Variants in ZNF143 observed in about 807,000 individuals in gnomAD.
ZNF143 encodes the protein SPH-binding factor.
A neutral mutation model predicts 74.1 loss-of-function variants in ZNF143; 49 were observed. The ratio of observed to expected loss-of-function variants is 0.66; its 90% CI spans 0.53 to 0.84. The LOEUF (loss-of-function observed/expected upper bound fraction) is 0.84, where lower values mean the gene tolerates loss of function less well. ZNF143 is among the 40% of genes least tolerant of loss of function. The pLI, the probability that ZNF143 is intolerant of heterozygous loss-of-function variation, is 0.00. For missense variants in ZNF143, 637 were observed against 793.4 expected, an observed-to-expected ratio of 0.80 and a Z score of 2.37; for synonymous variants, 304 against 282.8, an observed-to-expected ratio of 1.07 and a Z score of -0.75.
intron 1 of ZNF143, among the ~76,000 whole-genome samples, chr11:9,463,136 A>G (rs996503980): frequency 2.0e-5 from 3 of 152,200 alleles, no homozygotes; most frequent in South Asian, 2.1e-4. Context: ...TTGCCAAATG[A>G]TATTTCATTG....
chr11:9,475,348 T>G, intron 5 of ZNF143, among the ~76,000 whole-genome samples: 1 of 151,898 alleles, frequency 6.6e-6, no homozygotes. Flanking sequence ...TAGCCCTGAA[T>G]TCCTGGGCTC....
At chr11:9,516,681 A>T (rs1292429222) in intron 14 of ZNF143, among the ~76,000 whole-genome samples, 1 of 152,234 alleles carries the variant, frequency 6.6e-6, no homozygotes, top group East Asian at 1.9e-4. Flanking sequence ...AAATACTTGC[A>T]AAACTTACTA....
chr11:9,464,102 G>GTGTA (rs1235987687), intron 1 of ZNF143, among the ~76,000 whole-genome samples: 1 of 151,664 alleles, frequency 6.6e-6, no homozygotes, highest in Non-Finnish European at 1.5e-5. Context: ...GTGTGTGTGT[G>GTGTA]TGTGTGTGTG....
At chr11:9,522,337 A>G (rs1848961782) in intron 14 of ZNF143, among the ~76,000 whole-genome samples, 1 of 151,838 alleles carries the variant, frequency 6.6e-6, no homozygotes, top group African/African-American at 2.4e-5. Context: ...GGGATCCCTC[A>G]GCCTCAGCCT....
intron 11 of ZNF143, among the ~76,000 whole-genome samples, chr11:9,503,879 T>C (rs946296567): frequency 6.6e-6 from 1 of 151,240 alleles, no homozygotes. Flanking sequence ...CTCAAACTTC[T>C]GACCTCAGGT....
Position 9,512,597 on chromosome 11 carries a change from G to A in ZNF143, c.1524+1G>A. 1 of 1,613,844 alleles carries A rather than the reference G, an allele frequency of 6.2e-7. No individual in the cohort carries two copies. ...CATATCCCAGGATGGGACTCAGCAT[G>A]TAAGTATCCACCAAAAGCCAAACAA... is the stretch of plus-strand genomic sequence containing the variant. On this transcript the variant is annotated splice_donor_variant, in intron 13 of 15. Coordinates refer to ENST00000396602, the MANE Select transcript of ZNF143 (RefSeq NM_003442.6). LOFTEE classifies it high-confidence loss of function.
At chr11:9,461,294 C>T (rs1464209475) in intron 1 of ZNF143, among the ~76,000 whole-genome samples, 1 of 152,110 alleles carries the variant, frequency 6.6e-6, no homozygotes, top group African/African-American at 2.4e-5. Context: ...GGCGGCGGAG[C>T]TTTTTTCGTT....
intron 1 of ZNF143, among the ~76,000 whole-genome samples, chr11:9,465,744 A>G (rs1454524842): frequency 6.6e-6 from 1 of 151,592 alleles, no homozygotes; most frequent in Non-Finnish European, 1.5e-5. Flanking sequence ...TGGCCTCCCA[A>G]AGGACTTATT....
At chr11:9,500,726 G>A (rs567476283) in intron 10 of ZNF143, among the ~76,000 whole-genome samples, 1 of 152,292 alleles carries the variant, frequency 6.6e-6, no homozygotes, top group South Asian at 2.1e-4. Flanking sequence ...TAGGATACAA[G>A]CTTTTAGGGA....
intron 15 of ZNF143, among the ~76,000 whole-genome samples, chr11:9,526,136 C>T (rs115453258): frequency 0.037 from 5,571 of 151,814 alleles, 307 homozygotes; most frequent in African/African-American, 0.12. Flanking sequence ...CAAATGAGAC[C>T]CCATCTCAAA....
intron 15 of ZNF143, 114 bp downstream of exon 15, chr11:9,525,500 C>CT: frequency 2.9e-6 from 4 of 1,364,002 alleles, no homozygotes; most frequent in South Asian, 2.4e-5. Flanking sequence ...AGAATAATCT[C>CT]TATCACCTAG....
rs763998213 is a variant in ZNF143, at chr11:9,494,768, A to G, written c.765+3A>G. ...ATACAACAGCTCATCATCTCAAGGTATATATAAAAGAAATGTTCTATCTAG... is the reference window on the plus strand; with the variant it reads ...ATACAACAGCTCATCATCTCAAGGTGTATATAAAAGAAATGTTCTATCTAG... On this transcript the variant is annotated splice_donor_region_variant and intron_variant, in intron 8 of 15. Coordinates refer to ENST00000396602, the MANE Select transcript of ZNF143 (RefSeq NM_003442.6). The G allele has an allele frequency of 4.4e-6, 7 of 1,605,346 alleles. No individual in the cohort carries two copies. The highest frequency in any genetic ancestry group is 2.2e-5 in the East Asian group (1 of 44,776).
In ZNF143 at chr11:9,475,916, G is replaced by A. The variant is rs545477402; in HGVS notation, c.373+1283G>A. Among the ~76,000 whole-genome samples, 645 of 113,440 alleles carry A rather than the reference G, an allele frequency of 5.7e-3. 5 individuals are homozygous for A. The highest frequency in any genetic ancestry group is 0.017 in the African/African-American group (540 of 31,652). 74.4% of individuals were successfully genotyped at this position (113,440 alleles called of 152,430 possible). On this transcript the variant is annotated intron_variant, in intron 5 of 15. Coordinates refer to ENST00000396602, the MANE Select transcript of ZNF143 (RefSeq NM_003442.6). ...CTGTCTCAAAAAAATATATATGTGT[G>A]TGTGTGTGTGTGTGTGTGTGTGTGT...
chr11:9,490,798 T>G (rs1847744139), intron 7 of ZNF143, among the ~76,000 whole-genome samples: 1 of 152,162 alleles, frequency 6.6e-6, no homozygotes, highest in African/African-American at 2.4e-5. Flanking sequence ...AGTGGGGCGA[T>G]CATAGCTTAC....
chr11:9,502,407 A>C (rs1848199561), intron 11 of ZNF143, among the ~76,000 whole-genome samples: 1 of 150,074 alleles, frequency 6.7e-6, no homozygotes, highest in Admixed American at 6.6e-5. Flanking sequence ...CAGGATATCG[A>C]GACCATCCTT....
Position 9,478,501 on chromosome 11 carries a change from C to G in ZNF143, c.485C>G (p.Ala162Gly), listed in dbSNP as rs1847108296. 2 of 1,614,208 alleles carry G rather than the reference C, an allele frequency of 1.2e-6. No homozygotes were observed. Among genetic ancestry groups the G allele is most frequent in the Non-Finnish European group, 8.5e-7 (1 of 1,180,050 alleles). Residue 162 changes from alanine (A) to glycine (G), a missense_variant, in exon 6 of 16, where the codon GCT (alanine) becomes GGT (glycine). Ala to Gly is a moderately conservative substitution (Grantham distance 60). Transcript: ENST00000396602. ...PQSDTILAIQ[A>G]DGTVAGLHTG... is the part of the protein sequence containing the mutation. ...TCTGACACCATCTTGGCAATTCAGG[C>G]TGATGGGACAGTGGCAGGTCTGCAC...
intron 1 of ZNF143, 73 bp from the exon 2 acceptor site, chr11:9,471,229 C>T: frequency 7.9e-7 from 1 of 1,272,018 alleles, no homozygotes; most frequent in Admixed American, 2.3e-5. Flanking sequence ...TTTTGTGGTT[C>T]ATAAATATTC....
At chr11:9,520,236 A>G (rs1378712639) in intron 14 of ZNF143, among the ~76,000 whole-genome samples, 1 of 149,168 alleles carries the variant, frequency 6.7e-6, no homozygotes, top group Non-Finnish European at 1.5e-5. Flanking sequence ...GGGTTTCACC[A>G]TGTTGGTCAG....
At chr11:9,480,201 C>T (rs1253174073) in intron 7 of ZNF143, among the ~76,000 whole-genome samples, 1 of 152,176 alleles carries the variant, frequency 6.6e-6, no homozygotes, top group African/African-American at 2.4e-5. Flanking sequence ...AAAGTAGTCC[C>T]AGGTGCATTC....
Sources: allele counts gnomAD v4.1 joint callset (sites outside exome capture counted in the v4.1 genomes callset), GRCh38; gene constraint gnomAD v4.1.1; transcripts MANE v1.5; gene names NCBI Gene and HGNC (gene_info 2026-07-23, HGNC 2026-07-21).